LSS: variants seen among roughly 807,000 people sequenced by gnomAD.
The protein encoded by LSS is lanosterol synthase.
LSS carries 90 observed loss-of-function variants against 110.3 expected under a neutral mutation model. The ratio of observed to expected loss-of-function variants is 0.82; its 90% CI spans 0.69 to 0.97. The LOEUF is 0.97. Ranked by LOEUF, LSS falls within the 50% of genes least tolerant of loss-of-function variation. LSS has a pLI of 0.00. For synonymous variants in LSS, 433 were observed against 400.0 expected (o/e 1.08, Z -0.98); for missense variants, 927 against 990.0 (o/e 0.94, Z 0.85).
intron 3 of LSS, chr21:46,224,665 G>A (rs1007390701): frequency 1.3e-5 from 2 of 152,294 alleles, no homozygotes; most frequent in African/African-American, 4.8e-5. Context: ...GGAAACTGAG[G>A]CTCAGCCAGT....
chr21:46,214,964 G>C (rs1329225930), intron 9 of LSS, among the ~76,000 whole-genome samples: 1 of 152,060 alleles, frequency 6.6e-6, no homozygotes, highest in Non-Finnish European at 1.5e-5. Context: ...CGGAAGCGGG[G>C]GGTCGAGTGT....
rs1355616235 is a variant in LSS, at chr21:46,216,807, C to A, written c.648-283G>T. On this transcript the variant is annotated intron_variant, in intron 6 of 21. Coordinates refer to ENST00000397728, the MANE Select transcript of LSS (RefSeq NM_002340.6). The surrounding 1 kb of genome is among the most constrained non-coding windows in gnomAD (Gnocchi z 4.2). The stretch of plus-strand genomic sequence containing the variant: ...TTAGGATTGTCCGTGGGTTTCTTAG[C>A]TACAACAAACGTACCTTGGTAACAT... Among the ~76,000 whole-genome samples, 1 of 152,154 alleles carries A rather than the reference C, an allele frequency of 6.6e-6. No individual in the cohort carries two copies. Among genetic ancestry groups the A allele is most frequent in the African/African-American group, 2.4e-5 (1 of 41,426 alleles).
chr21:46,213,598 C>T, intron 10 of LSS, 140 bp downstream of exon 10: 1 of 689,842 alleles, frequency 1.4e-6, no homozygotes, highest in Non-Finnish European at 2.6e-6. Flanking sequence ...CTTCCACAAG[C>T]CCTGACACTG....
chr21:46,209,546 G>A lies in LSS; in HGVS notation c.1266+8C>T, dbSNP rs200191735. On this transcript the variant is annotated splice_region_variant and intron_variant, in intron 13 of 21. Transcript: ENST00000397728. The surrounding 1 kb of genome is among the most constrained non-coding windows in gnomAD (Gnocchi z 4.4). ...CAGCCCCCTCAGAGCCCCAGGCACC[G>A]GCCTCACCTGTGAGAGCCTCAGGAA... The A allele has an allele frequency of 2.2e-5, 36 of 1,601,106 alleles. No individual in the cohort carries two copies. The highest frequency in any genetic ancestry group is 1.8e-4 in the South Asian group (16 of 88,298).
chr21:46,226,938 C>G (rs1011912273), intron 3 of LSS, among the ~76,000 whole-genome samples: 1 of 152,174 alleles, frequency 6.6e-6, no homozygotes, highest in South Asian at 2.1e-4. Context: ...TAGGAATTCA[C>G]GTCATTGAAA....
intron 9 of LSS, among the ~76,000 whole-genome samples, chr21:46,214,954 C>T (rs919171910): frequency 6.6e-5 from 10 of 151,918 alleles, no homozygotes; most frequent in South Asian, 2.1e-4. Context: ...CGGTGGGGGA[C>T]GGAAGCGGGG....
rs1452425165 is a variant in LSS at position 46,191,084 on chromosome 21, C to T, written c.*20G>A. The T allele has an allele frequency of 6.2e-7, 1 of 1,613,680 alleles. No homozygotes were observed. The highest frequency in any genetic ancestry group is 8.5e-7 in the Non-Finnish European group (1 of 1,179,924). On this transcript the variant is annotated 3_prime_UTR_variant, in exon 22 of 22. Transcript: ENST00000397728. The stretch of plus-strand genomic sequence containing the variant: ...GCCTCACTGGAACGCACAGACGGCA[C>T]CCAGCAGGTAGGCATGTTCTCAGGG...
At chr21:46,214,869 C>T (rs117474476) in intron 9 of LSS, among the ~76,000 whole-genome samples, 570 of 152,248 alleles carry the variant, frequency 3.7e-3, no homozygotes, top group Non-Finnish European at 6.9e-3. Context: ...GCACCCCTCC[C>T]AGCTAGCCAG....
intron 5 of LSS, among the ~76,000 whole-genome samples, chr21:46,220,720 G>C (rs1028789005): frequency 3.3e-5 from 5 of 152,196 alleles, no homozygotes; most frequent in African/African-American, 1.2e-4. Flanking sequence ...GCCCCTCAGG[G>C]CCTATAGGCA....
chr21:46,199,815 A>G (rs1371128784), intron 17 of LSS, among the ~76,000 whole-genome samples: 1 of 152,212 alleles, frequency 6.6e-6, no homozygotes, highest in African/African-American at 2.4e-5. Context: ...AGGCGGGGAC[A>G]GCGCAGAGGA....
intron 11 of LSS, among the ~76,000 whole-genome samples, chr21:46,211,166 G>A (rs578000348): frequency 5.3e-5 from 8 of 152,060 alleles, no homozygotes; most frequent in Non-Finnish European, 1.2e-4. Flanking sequence ...TCGCTCTGTT[G>A]CCCAGGCTGG....
At position 46,216,826 on chromosome 21, in the gene LSS, G is replaced by A. The variant is rs371540136; in HGVS notation, c.648-302C>T. The stretch of plus-strand genomic sequence containing the variant: ...TCTTAGCTACAACAAACGTACCTTG[G>A]TAACATAAAACATCAACAATGGGGA... On this transcript the variant is annotated intron_variant, in intron 6 of 21. Coordinates refer to ENST00000397728, the MANE Select transcript of LSS (RefSeq NM_002340.6). This position sits in a 1 kb window ranked among gnomAD's most constrained non-coding sequence, Gnocchi z 4.2. Among the ~76,000 whole-genome samples, 4 of 152,078 alleles carry A rather than the reference G, an allele frequency of 2.6e-5. No individual in the cohort carries two copies. The highest frequency in any genetic ancestry group is 9.7e-5 in the African/African-American group (4 of 41,416).
chr21:46,209,432 A>T lies in LSS; in HGVS notation c.1266+122T>A. The T allele has an allele frequency of 1.2e-6, 1 of 857,514 alleles. No individual in the cohort carries two copies. The highest frequency in any genetic ancestry group is 1.8e-6 in the Non-Finnish European group (1 of 561,976). 53.1% of individuals were successfully genotyped at this position (857,514 alleles called of 1,614,324 possible). A position where few individuals can be genotyped will look rare whatever the true frequency, so the allele number is the denominator to read the frequency against. ...GGGAGGGGATGGGAGGGTGGGGGTG[A>T]CCTGAAACACCAGTGCAGGAAATAG... On this transcript the variant is annotated intron_variant, in intron 13 of 21. Transcript: ENST00000397728. The surrounding 1 kb of genome is among the most constrained non-coding windows in gnomAD (Gnocchi z 4.4).
rs1290120383 is a variant in LSS at position 46,215,892 on chromosome 21, T to TG, written c.784-100dup. On this transcript the variant is annotated intron_variant, in intron 7 of 21. Coordinates refer to ENST00000397728, the MANE Select transcript of LSS (RefSeq NM_002340.6). Reference sequence around the variant, plus strand: ...CTCCCACCATCCGCCCTCAGGGCCCTGGGCCAGTCCCTTCCTGGGTGGGGG... The same window carrying TG: ...CTCCCACCATCCGCCCTCAGGGCCCTGGGGCCAGTCCCTTCCTGGGTGGGGG... The TG allele has an allele frequency of 1.4e-5, 11 of 762,620 alleles. No homozygotes were observed. The African/African-American group carries it at 1.8e-4, about 12-fold the overall frequency. The allele number at this position is 762,620 out of a possible 1,614,324, so 47.2% of individuals were successfully genotyped here.
Position 46,215,735 on chromosome 21 carries a change from G to A in LSS, c.842C>T (p.Ala281Val), listed in dbSNP as rs1280891794. The change falls in exon 8 of 22, where the codon GCC becomes GTC. Residue 281 changes from alanine to valine, a missense_variant. Transcript: ENST00000397728. ...IDWLAQRNNV[A>V]PDELYTPHSW... is the part of the protein sequence containing the mutation. ...GTGCGGCGTGTACAGCTCGTCGGGG[G>A]CCACGTTGTTCCTCTGCGCCAGCCA... 2.5e-6 allele frequency: 4 copies of A among 1,612,922 alleles called. No homozygotes were observed. The highest frequency in any genetic ancestry group is 4.5e-5 in the East Asian group (2 of 44,838).
Position 46,194,532 on chromosome 21 carries a change from G to T in LSS, c.1947C>A (p.Ile649=). ...CCATCATGGCCCAGCATGTGTTATGGATCTGGGACTGGGCACTCTGCAAAT... is the reference window on the plus strand; with the variant it reads ...CCATCATGGCCCAGCATGTGTTATGTATCTGGGACTGGGCACTCTGCAAAT... The part of the protein sequence containing the change: ...RRYLQSAQSQ[I]HNTCWAMMGL... The change falls in exon 20 of 22, where the codon ATC becomes ATA. Residue 649 remains isoleucine, a synonymous_variant. Transcript: ENST00000397728. The T allele has an allele frequency of 1.2e-6, 2 of 1,613,860 alleles. No homozygotes were observed. Among genetic ancestry groups the T allele is most frequent in the South Asian group, 1.1e-5 (1 of 91,086 alleles).
intron 6 of LSS, among the ~76,000 whole-genome samples, chr21:46,218,372 CCAGCACTTTGGGAGGCCAAGG>C (rs2080233633): frequency 1.3e-5 from 2 of 151,992 alleles, no homozygotes; most frequent in African/African-American, 4.8e-5. Context: ...CTCATGGCTC[CCAGCACTTTGGGAGGCCAAGG>C]CAGGCGGATC....
intron 17 of LSS, among the ~76,000 whole-genome samples, chr21:46,204,718 T>G (rs1337334002): frequency 6.6e-6 from 1 of 152,184 alleles, no homozygotes; most frequent in Non-Finnish European, 1.5e-5. Context: ...GCATTTCCGG[T>G]AATTTTTCCC....
chr21:46,209,512 C>A lies in LSS; in HGVS notation c.1266+42G>T, dbSNP rs371547210. On this transcript the variant is annotated intron_variant, in intron 13 of 21. Coordinates refer to ENST00000397728, the MANE Select transcript of LSS (RefSeq NM_002340.6). The surrounding 1 kb of genome is among the most constrained non-coding windows in gnomAD (Gnocchi z 4.4). ...GCCTGCAGGAGCTCCCAGCCCTGAT[C>A]CCCCTCTTCAGCCCCCTCAGAGCCC... 5 of 1,551,772 alleles carry A rather than the reference C, an allele frequency of 3.2e-6. No homozygotes were observed. Among genetic ancestry groups the A allele is most frequent in the African/African-American group, 1.4e-5 (1 of 73,672 alleles).
Sources: allele counts gnomAD v4.1 joint callset (sites outside exome capture counted in the v4.1 genomes callset), GRCh38; gene constraint gnomAD v4.1.1; non-coding constraint Gnocchi (gnomAD v3.1); transcripts MANE v1.5; gene names NCBI Gene and HGNC (gene_info 2026-07-23, HGNC 2026-07-21).